PCDHGA6: variants seen among roughly 807,000 people sequenced by gnomAD.
PCDHGA6 encodes the protein protocadherin gamma subfamily A, 6, also known as protocadherin gamma-A6.
PCDHGA6 carries 41 observed loss-of-function variants against 60.6 expected under a neutral mutation model. The observed-to-expected ratio is 0.68, with a 90% CI of 0.53 to 0.88. PCDHGA6 has a LOEUF of 0.88. PCDHGA6 is among the 40% of genes least tolerant of loss of function. PCDHGA6 has a pLI of 0.00. For synonymous variants in PCDHGA6, 594 were observed against 524.4 expected (o/e 1.13, Z -1.81); for missense variants, 1,312 against 1,203.0 (o/e 1.09, Z -1.34).
intron 1 of PCDHGA6, chr5:141,409,242 T>C (rs372196346): frequency 1.4e-5 from 22 of 1,613,864 alleles, no homozygotes; most frequent in Middle Eastern, 1.6e-4. Context: ...AGCCCAGAAA[T>C]AATCATCACT....
In PCDHGA6 at chr5:141,486,047, C is replaced by T. The variant is rs763394605; in HGVS notation, c.2425-8760C>T. Reference sequence around the variant, plus strand: ...TCATACCCCTGATCGTGTAAGAAACCTCTTTAGCCTGCACCCCACTACTGG... The same window carrying T: ...TCATACCCCTGATCGTGTAAGAAACTTCTTTAGCCTGCACCCCACTACTGG... On this transcript the variant is annotated intron_variant, in intron 1 of 3. Transcript: ENST00000517434. The surrounding 1 kb of genome is among the most constrained non-coding windows in gnomAD (Gnocchi z 5.0). 2.5e-6 allele frequency: 4 copies of T among 1,614,054 alleles called. No individual in the cohort carries two copies. The African/African-American group carries it at 5.3e-5, about 22-fold the overall frequency.
At chr5:141,404,167 G>A (rs2094493296) in intron 1 of PCDHGA6, 1 of 1,612,946 alleles carries the variant, frequency 6.2e-7, no homozygotes, top group South Asian at 1.1e-5. Flanking sequence ...ACAGATTGTT[G>A]ACGGCCCAAA....
rs376984494 is a variant in PCDHGA6, at chr5:141,374,154, G to A, written c.71G>A (p.Trp24Ter). Residue 24 changes from tryptophan (W) to a stop codon, truncating the protein, a stop_gained, in exon 1 of 4, where the codon TGG (tryptophan) becomes TAG (stop). Transcript: ENST00000517434. LOFTEE classifies it high-confidence loss of function. The stretch of plus-strand genomic sequence containing the variant: ...CTCCTCACGCTCCTGGGGACGCTGT[G>A]GGGGGCCGCGGCAGCGCAGATCCGC... ...VLLLTLLGTL[W>*]GAAAAQIRYS... The A allele has an allele frequency of 1.2e-5, 19 of 1,611,790 alleles. No individual in the cohort carries two copies. Among genetic ancestry groups the A allele is most frequent in the East Asian group, 2.2e-5 (1 of 44,832 alleles).
chr5:141,474,628 A>C (rs1169097645), intron 1 of PCDHGA6, among the ~76,000 whole-genome samples: 1 of 152,234 alleles, frequency 6.6e-6, no homozygotes, highest in Non-Finnish European at 1.5e-5. Flanking sequence ...TCTCTTCCGG[A>C]AATATCCTAT....
chr5:141,419,651 TC>T, intron 1 of PCDHGA6: 28 of 1,612,632 alleles, frequency 1.7e-5, no homozygotes, highest in Non-Finnish European at 2.3e-5. Flanking sequence ...GGACGCGGAC[TC>T]GGGGCACAAT....
intron 1 of PCDHGA6, chr5:141,413,070 T>C: frequency 8.4e-7 from 1 of 1,195,132 alleles, no homozygotes; most frequent in African/African-American, 1.5e-5. Context: ...GAATTTAAAG[T>C]GCCCAGGCTA....
intron 1 of PCDHGA6, chr5:141,423,081 C>A: frequency 6.2e-7 from 1 of 1,614,084 alleles, no homozygotes; most frequent in South Asian, 1.1e-5. Context: ...CGGGACTCTT[C>A]GCGGTGGGGG....
intron 1 of PCDHGA6, among the ~76,000 whole-genome samples, chr5:141,434,495 G>A (rs1414485396): frequency 6.6e-6 from 1 of 152,220 alleles, no homozygotes; most frequent in Non-Finnish European, 1.5e-5. Flanking sequence ...GGCCCGCCCA[G>A]GGCAGAAAAC....
intron 1 of PCDHGA6, chr5:141,399,217 TTGATCAAAATACA>T (rs2093771382): frequency 6.2e-7 from 1 of 1,613,854 alleles, no homozygotes; most frequent in African/African-American, 1.3e-5. Context: ...ACTAATTGCT[TTGATCAAAATACA>T]TGACCAAGAT....
At chr5:141,423,707 G>A in intron 1 of PCDHGA6, 1 of 1,164,238 alleles carries the variant, frequency 8.6e-7, no homozygotes, top group Non-Finnish European at 1.1e-6. Flanking sequence ...CTTGGCACAA[G>A]TCTTTTAAGG....
chr5:141,491,479 C>T lies in PCDHGA6; in HGVS notation c.2425-3328C>T. On this transcript the variant is annotated intron_variant, in intron 1 of 3. Transcript: ENST00000517434. The surrounding 1 kb of genome is among the most constrained non-coding windows in gnomAD (Gnocchi z 6.9). ...CCCGGACTTCTATAAGCAGTCCAGCCCCAACCTGCAGGTGAGCTCGGACGG... is the reference window on the plus strand; with the variant it reads ...CCCGGACTTCTATAAGCAGTCCAGCTCCAACCTGCAGGTGAGCTCGGACGG... 1 of 1,614,144 alleles carries T rather than the reference C, an allele frequency of 6.2e-7. No homozygotes were observed. Among genetic ancestry groups the T allele is most frequent in the Non-Finnish European group, 8.5e-7 (1 of 1,180,024 alleles).
intron 1 of PCDHGA6, chr5:141,388,701 G>A: frequency 1.9e-6 from 3 of 1,613,986 alleles, no homozygotes; most frequent in South Asian, 1.1e-5. Context: ...GGATGAGGGT[G>A]TCAATGCCGA....
Position 141,512,594 on chromosome 5 carries a change from G to C in PCDHGA6, c.*1421G>C, listed in dbSNP as rs981124898. On this transcript the variant is annotated 3_prime_UTR_variant, in exon 4 of 4. Transcript: ENST00000517434. ...CACCCCCTTCTGCCCCTGGGTCCCC[G>C]GCCATCCAGCGGGGCTGCCAGAGAA... 1 of 152,812 alleles carries C rather than the reference G, an allele frequency of 6.5e-6. No homozygotes were observed. The highest frequency in any genetic ancestry group is 6.5e-5 in the Admixed American group (1 of 15,280). The allele number at this position is 152,812 out of a possible 1,614,324, so 9.5% of individuals were successfully genotyped here. A position where few individuals can be genotyped will look rare whatever the true frequency, so the allele number is the denominator to read the frequency against.
At chr5:141,475,957 G>A (rs776101269) in intron 1 of PCDHGA6, 148 of 812,416 alleles carry the variant, frequency 1.8e-4, no homozygotes, top group Non-Finnish European at 2.6e-4. Flanking sequence ...CTGCGCCCCG[G>A]GATGAGGCAG....
intron 1 of PCDHGA6, chr5:141,389,158 G>C (rs774342496): frequency 5.6e-6 from 9 of 1,613,968 alleles, no homozygotes; most frequent in Non-Finnish European, 7.6e-6. Context: ...GCAACAGATC[G>C]GGGCAAGCCT....
In PCDHGA6 at chr5:141,375,475, C is replaced by T. The variant is rs774489564; in HGVS notation, c.1392C>T (p.Asn464=). The T allele has an allele frequency of 1.2e-6, 2 of 1,614,002 alleles. No homozygotes were observed. Among genetic ancestry groups the T allele is most frequent in the East Asian group, 2.2e-5 (1 of 44,842 alleles). Residue 464 remains asparagine (N), a synonymous_variant, in exon 1 of 4, where the codon AAC becomes AAT. Coordinates refer to ENST00000517434, the MANE Select transcript of PCDHGA6 (RefSeq NM_018919.3). ...CCTACTCAGTCTATGTCCTTGAAAA[C>T]AACCCCAGGGGTGCCTCCATCTTCT... is the stretch of plus-strand genomic sequence containing the variant. The part of the protein sequence containing the change: ...HSSYSVYVLE[N]NPRGASIFSV...
At position 141,440,639 on chromosome 5, in the gene PCDHGA6, T is replaced by C. The variant is rs2098191350; in HGVS notation, c.2425-54168T>C. On this transcript the variant is annotated intron_variant, in intron 1 of 3. Coordinates refer to ENST00000517434, the MANE Select transcript of PCDHGA6 (RefSeq NM_018919.3). ...GATCCTGATGTTGAGAGAAATTCCT[T>C]ACAAAATTATCACCTTAGCAGCAAC... 2 of 152,192 alleles carry C rather than the reference T, an allele frequency of 1.3e-5. 1 individual carries two copies. The highest frequency in any genetic ancestry group is 4.8e-5 in the African/African-American group (2 of 41,440). The allele number at this position is 152,192 out of a possible 1,614,324, so 9.4% of individuals were successfully genotyped here.
At chr5:141,467,185 TG>T (rs1295935271) in intron 1 of PCDHGA6, among the ~76,000 whole-genome samples, 1 of 152,004 alleles carries the variant, frequency 6.6e-6, no homozygotes, top group African/African-American at 2.4e-5. Context: ...CCCAAGTAGC[TG>T]GGATTACAGG....
Position 141,432,757 on chromosome 5 carries a change from C to T in PCDHGA6, c.2424+56250C>T. On this transcript the variant is annotated intron_variant, in intron 1 of 3. Coordinates refer to ENST00000517434, the MANE Select transcript of PCDHGA6 (RefSeq NM_018919.3). This position sits in a 1 kb window ranked among gnomAD's most constrained non-coding sequence, Gnocchi z 6.0. ...TCACGCTCACCGTGGCCGTGGCCGA[C>T]AGCATCCCCCAAGTCCTGGCGGACC... is the stretch of plus-strand genomic sequence containing the variant. 1.2e-6 allele frequency: 2 copies of T among 1,614,150 alleles called. No individual in the cohort carries two copies. Among genetic ancestry groups the T allele is most frequent in the African/African-American group, 1.3e-5 (1 of 75,076 alleles).
Sources: gnomAD v4.1 joint callset for allele counts (sites outside exome capture counted in the v4.1 genomes callset) on GRCh38, gnomAD v4.1.1 for gene constraint, Gnocchi (gnomAD v3.1) non-coding constraint, MANE v1.5 for transcripts, NCBI Gene and HGNC (gene_info 2026-07-23, HGNC 2026-07-21) for gene names.